PTPRE: variants seen among roughly 807,000 people sequenced by gnomAD.
The protein encoded by PTPRE is protein tyrosine phosphatase receptor type E, also known as receptor-type tyrosine-protein phosphatase epsilon.
In PTPRE, 51 loss-of-function variants were observed where a neutral mutation model predicts 102.0. The ratio of observed to expected loss-of-function variants is 0.50; its 90% confidence interval spans 0.40 to 0.63. The LOEUF (loss-of-function observed/expected upper bound fraction) is 0.63, where lower values mean the gene tolerates loss of function less well. Among genes scored for constraint, PTPRE ranks in the 30% least tolerant of loss-of-function variants. The pLI is 0.00. For missense variants in PTPRE, 752 were observed against 915.1 expected (o/e 0.82, Z 2.30); for synonymous variants, 345 against 348.2 (o/e 0.99, Z 0.10).
intron 2 of PTPRE, among the ~76,000 whole-genome samples, chr10:128,011,999 TAGAC>T (rs1564881476): frequency 1.3e-5 from 2 of 152,188 alleles, no homozygotes; most frequent in South Asian, 2.1e-4. Flanking sequence ...GGTGACAAGA[TAGAC>T]AGCCCAGGTG....
intron 20 of PTPRE, among the ~76,000 whole-genome samples, chr10:128,080,923 C>A (rs987852118): frequency 5.9e-5 from 9 of 152,206 alleles, no homozygotes; most frequent in African/African-American, 2.2e-4. Flanking sequence ...AGGTGCCTTA[C>A]AGATGTCTTT....
Position 127,944,959 on chromosome 10 carries a change from G to A in PTPRE, c.-30-37315G>A, listed in dbSNP as rs546348454. On this transcript the variant is annotated intron_variant, in intron 1 of 20. Transcript: ENST00000254667. The surrounding 1 kb of genome is among the most constrained non-coding windows in gnomAD (Gnocchi z 4.2). The stretch of plus-strand genomic sequence containing the variant: ...GTGACCCCCAGTGGGCTGGACAGCT[G>A]GGGGGATGGTGGCACCTTCTATCAA... Among the ~76,000 whole-genome samples, 4 of 152,256 alleles carry A rather than the reference G, an allele frequency of 2.6e-5. No homozygotes were observed. The highest frequency in any genetic ancestry group is 2.1e-4 in the South Asian group (1 of 4,826).
intron 16 of PTPRE, chr10:128,072,513 G>A (rs1183580477): frequency 6.7e-5 from 16 of 237,068 alleles, no homozygotes; most frequent in African/African-American, 2.8e-4. Context: ...TTAGCTGGGC[G>A]TGATGGCAGG....
At chr10:127,925,853 G>A (rs1478372532) in intron 1 of PTPRE, among the ~76,000 whole-genome samples, 1 of 152,132 alleles carries the variant, frequency 6.6e-6, no homozygotes, top group African/African-American at 2.4e-5. Flanking sequence ...CAGCTGATAG[G>A]TAAAGGGCAC....
rs747694280 is a variant in PTPRE at position 127,944,349 on chromosome 10, A to T, written c.-31+37040A>T. Among the ~76,000 whole-genome samples, 2 of 152,272 alleles carry T rather than the reference A, an allele frequency of 1.3e-5. No homozygotes were observed. Among genetic ancestry groups the T allele is most frequent in the Admixed American group, 1.3e-4 (2 of 15,300 alleles). On this transcript the variant is annotated intron_variant, in intron 1 of 20. Transcript: ENST00000254667. This position sits in a 1 kb window ranked among gnomAD's most constrained non-coding sequence, Gnocchi z 4.2. ...GAATGGCTAAATGGTGGGTGGGTGG[A>T]TGGATGGATGGACGATGGACAGATG...
In PTPRE at chr10:128,070,356, C is replaced by T; in HGVS notation, c.1199C>T (p.Thr400Ile). ...CTCGAGTACTACCTCTACGGGGACA[C>T]AGAGCTGGACGTGTCCTCCCTGGAG... ...ALLEYYLYGDTELDVSSLEKH... is the reference protein window; with the variant it reads ...ALLEYYLYGDIELDVSSLEKH... The change falls in exon 14 of 21, where the codon ACA becomes ATA. Residue 400 changes from threonine (T) to isoleucine (I), a missense_variant. Physicochemically the swap from Thr to Ile is moderately conservative, Grantham distance 89. Transcript: ENST00000254667. This position sits in a 1 kb window ranked among gnomAD's most constrained non-coding sequence, Gnocchi z 4.8. 1 of 1,614,192 alleles carries T rather than the reference C, an allele frequency of 6.2e-7. No individual in the cohort carries two copies. Among genetic ancestry groups the T allele is most frequent in the South Asian group, 1.1e-5 (1 of 91,080 alleles).
intron 6 of PTPRE, among the ~76,000 whole-genome samples, chr10:128,054,531 AC>A (rs1848798795): frequency 6.6e-6 from 1 of 151,734 alleles, no homozygotes; most frequent in Non-Finnish European, 1.5e-5. Flanking sequence ...ACCACCTATC[AC>A]CCTTGCCACA....
intron 1 of PTPRE, among the ~76,000 whole-genome samples, chr10:127,941,111 A>G (rs1848214526): frequency 6.6e-6 from 1 of 152,292 alleles, no homozygotes; most frequent in African/African-American, 2.4e-5. Context: ...CCTGGGATGG[A>G]GAAGAGCAGT....
intron 2 of PTPRE, 89 bp downstream of exon 2, chr10:127,982,385 G>C: frequency 2.2e-6 from 2 of 925,342 alleles, no homozygotes; most frequent in South Asian, 1.6e-5. Flanking sequence ...GAAGAGCATT[G>C]TTTTCTTGAG....
rs991222497 is a variant in PTPRE at position 128,070,181 on chromosome 10, C to T, written c.1144-120C>T. ...CGGTACTCTGACTCTTGCCTCACAC[C>T]TCCTTGTGTTGGCAAAAAGAGAAAA... is the stretch of plus-strand genomic sequence containing the variant. On this transcript the variant is annotated intron_variant, in intron 13 of 20. Transcript: ENST00000254667. The surrounding 1 kb of genome is among the most constrained non-coding windows in gnomAD (Gnocchi z 4.8). The T allele has an allele frequency of 1.6e-6, 2 of 1,219,374 alleles. No individual in the cohort carries two copies. The highest frequency in any genetic ancestry group is 2.3e-6 in the Non-Finnish European group (2 of 879,126). 75.5% of individuals were successfully genotyped at this position (1,219,374 alleles called of 1,614,324 possible).
chr10:127,985,804 A>G (rs1422824125), intron 2 of PTPRE, among the ~76,000 whole-genome samples: 1 of 151,854 alleles, frequency 6.6e-6, no homozygotes, highest in Non-Finnish European at 1.5e-5. Context: ...AATATTTGAC[A>G]TCTAGGCCGG....
chr10:128,065,941 T>G, intron 10 of PTPRE, 134 bp from the exon 11 acceptor site: 6 of 1,328,954 alleles, frequency 4.5e-6, no homozygotes, highest in Non-Finnish European at 6.5e-6. Context: ...TCGACACACG[T>G]GAACTTGTTT....
At chr10:128,027,047 G>A (rs981769778) in intron 2 of PTPRE, among the ~76,000 whole-genome samples, 12 of 152,174 alleles carry the variant, frequency 7.9e-5, no homozygotes, top group Admixed American at 3.9e-4. Context: ...AGATACAGAC[G>A]CAGAGAGGGT....
chr10:128,032,615 T>C (rs190309623), intron 2 of PTPRE, among the ~76,000 whole-genome samples: 1 of 152,316 alleles, frequency 6.6e-6, no homozygotes, highest in East Asian at 1.9e-4. Flanking sequence ...CCAACTCCCG[T>C]TGGCCTCCCA....
At chr10:127,937,042 T>C (rs113601608) in intron 1 of PTPRE, among the ~76,000 whole-genome samples, 18 of 152,280 alleles carry the variant, frequency 1.2e-4, no homozygotes, top group African/African-American at 4.3e-4. Context: ...TCTCGCTCCA[T>C]AGGCAGTTCC....
At chr10:127,987,947 G>A (rs1250311794) in intron 2 of PTPRE, among the ~76,000 whole-genome samples, 3 of 152,218 alleles carry the variant, frequency 2.0e-5, no homozygotes, top group East Asian at 1.9e-4. Flanking sequence ...GGCCAGGGCC[G>A]GCACTCTGTG....
At chr10:127,926,046 T>C (rs1846986367) in intron 1 of PTPRE, among the ~76,000 whole-genome samples, 1 of 152,252 alleles carries the variant, frequency 6.6e-6, no homozygotes, top group Non-Finnish European at 1.5e-5. Flanking sequence ...GCTAATCCTT[T>C]TGTGAAGCAG....
At chr10:128,023,941 TG>T (rs1846113876) in intron 2 of PTPRE, among the ~76,000 whole-genome samples, 1 of 152,210 alleles carries the variant, frequency 6.6e-6, no homozygotes, top group African/African-American at 2.4e-5. Flanking sequence ...CAATTTTTAA[TG>T]AGTAAAGGAT....
At chr10:127,984,793 C>T (rs1181816554) in intron 2 of PTPRE, among the ~76,000 whole-genome samples, 1 of 152,180 alleles carries the variant, frequency 6.6e-6, no homozygotes, top group African/African-American at 2.4e-5. Flanking sequence ...TCACCTTCAG[C>T]CATGATTGTG....
Sources: gnomAD v4.1 joint callset for allele counts (sites outside exome capture counted in the v4.1 genomes callset) on GRCh38, gnomAD v4.1.1 for gene constraint, Gnocchi (gnomAD v3.1) non-coding constraint, MANE v1.5 for transcripts, NCBI Gene and HGNC (gene_info 2026-07-23, HGNC 2026-07-21) for gene names.